Variants in NKAIN3 observed in about 807,000 individuals in gnomAD.
NKAIN3 encodes the protein sodium/potassium transporting ATPase interacting 3.
Under a neutral mutation model 30.2 loss-of-function variants are expected in NKAIN3, and 25 were observed. The ratio of observed to expected loss-of-function variants is 0.83; its 90% CI spans 0.60 to 1.16. The LOEUF (loss-of-function observed/expected upper bound fraction) is 1.16. Ranked by LOEUF, NKAIN3 falls within the 50% of genes most tolerant of loss-of-function variation. The pLI, the probability that NKAIN3 is intolerant of heterozygous loss-of-function variation, is 0.00. For synonymous variants in NKAIN3, 91 were observed against 89.6 expected (o/e 1.02, Z -0.09); for missense variants, 225 against 254.1 (o/e 0.89, Z 0.78).
rs535986579 is a variant in NKAIN3 at position 62,973,905 on chromosome 8, C to T, written c.*8498C>T. Among the ~76,000 whole-genome samples, 148 of 152,276 alleles carry T rather than the reference C, an allele frequency of 9.7e-4. No homozygotes were observed. The highest frequency in any genetic ancestry group is 1.7e-3 in the Admixed American group (26 of 15,294). Reference sequence around the variant, plus strand: ...TATGGCTAGCTAATTTTCCCAGCACCATTTATTAAATAGGAAATCCTTTCC... The same window carrying T: ...TATGGCTAGCTAATTTTCCCAGCACTATTTATTAAATAGGAAATCCTTTCC... On this transcript the variant is annotated 3_prime_UTR_variant, in exon 7 of 7. Transcript: ENST00000623646.
intron 3 of NKAIN3, among the ~76,000 whole-genome samples, chr8:62,686,577 G>GT (rs967147515): frequency 8.6e-5 from 13 of 152,014 alleles, no homozygotes; most frequent in South Asian, 8.3e-4. Context: ...CAAATCTAGG[G>GT]TTTTTTTTAA....
chr8:62,685,982 A>G (rs971551430), intron 3 of NKAIN3, among the ~76,000 whole-genome samples: 1 of 152,092 alleles, frequency 6.6e-6, no homozygotes, highest in Non-Finnish European at 1.5e-5. Flanking sequence ...AAATTAAATA[A>G]TGGTGATTAT....
intron 1 of NKAIN3, among the ~76,000 whole-genome samples, chr8:62,439,484 A>G (rs1805263381): frequency 6.6e-6 from 1 of 152,178 alleles, no homozygotes; most frequent in Admixed American, 6.5e-5. Flanking sequence ...TACCAACATC[A>G]TTTTGGCTAA....
chr8:62,425,681 TGA>T (rs1222556564), intron 1 of NKAIN3, among the ~76,000 whole-genome samples: 3 of 151,890 alleles, frequency 2.0e-5, no homozygotes, highest in Non-Finnish European at 2.9e-5. Flanking sequence ...GTATATATGC[TGA>T]GAGAGTAGTT....
At chr8:62,386,914 TGAGA>T (rs141443243) in intron 1 of NKAIN3, among the ~76,000 whole-genome samples, 63,311 of 147,852 alleles carry the variant, frequency 0.43, 15,366 homozygotes, top group Non-Finnish European at 0.55. Context: ...AATTGATATA[TGAGA>T]GAGAGAGAGA....
At chr8:62,996,416 G>A (rs1442737307) in intron 5 of NKAIN3, among the ~76,000 whole-genome samples, 1 of 152,058 alleles carries the variant, frequency 6.6e-6, no homozygotes, top group Non-Finnish European at 1.5e-5. Flanking sequence ...CTCGACACTT[G>A]GGGATTACAA....
At chr8:62,283,273 C>T (rs113260100) in intron 1 of NKAIN3, among the ~76,000 whole-genome samples, 1,026 of 100,986 alleles carry the variant, frequency 0.01, 7 homozygotes, top group Middle Eastern at 0.037. Context: ...TCTGCTCTTA[C>T]GTGGCTATTT....
intron 4 of NKAIN3, among the ~76,000 whole-genome samples, chr8:62,878,916 G>C (rs1820885582): frequency 6.6e-6 from 1 of 152,116 alleles, no homozygotes; most frequent in South Asian, 2.1e-4. Context: ...TATCATTGGT[G>C]GACATTTGGC....
At chr8:62,942,225 C>CACATATATATACAT (rs1554594810) in intron 5 of NKAIN3, among the ~76,000 whole-genome samples, 2 of 51,700 alleles carry the variant, frequency 3.9e-5, no homozygotes, top group African/African-American at 1.6e-4. Flanking sequence ...CATATATATA[C>CACATATATATACAT]ATATATATAC....
At chr8:62,944,880 T>A (rs1354572557) in intron 5 of NKAIN3, among the ~76,000 whole-genome samples, 1 of 152,236 alleles carries the variant, frequency 6.6e-6, no homozygotes, top group African/African-American at 2.4e-5. Flanking sequence ...ATTGCTAGAA[T>A]GATAGGCTAC....
At chr8:62,613,996 C>G (rs766825124) in intron 3 of NKAIN3, among the ~76,000 whole-genome samples, 6 of 152,140 alleles carry the variant, frequency 3.9e-5, no homozygotes, top group Non-Finnish European at 2.9e-5. Context: ...TCATACATCT[C>G]TATTTCTTCA....
At chr8:62,629,497 G>T (rs555846678) in intron 3 of NKAIN3, among the ~76,000 whole-genome samples, 10 of 152,190 alleles carry the variant, frequency 6.6e-5, no homozygotes, top group Middle Eastern at 3.4e-3. Context: ...ATCCATAGCA[G>T]CACATACTTC....
intron 3 of NKAIN3, among the ~76,000 whole-genome samples, chr8:62,690,128 C>T (rs1480195): frequency 0.25 from 37,804 of 151,952 alleles, 5,534 homozygotes; most frequent in African/African-American, 0.39. Context: ...AGTGGGACTG[C>T]GCACTAATCA....
chr8:62,839,266 C>G (rs1463861939), intron 4 of NKAIN3, among the ~76,000 whole-genome samples: 1 of 147,314 alleles, frequency 6.8e-6, no homozygotes, highest in Admixed American at 6.8e-5. Flanking sequence ...GCCTGACAGA[C>G]TATTCTATTT....
intron 3 of NKAIN3, among the ~76,000 whole-genome samples, chr8:62,703,112 A>G (rs552286002): frequency 1.3e-5 from 2 of 152,260 alleles, no homozygotes; most frequent in African/African-American, 4.8e-5. Context: ...GTTGGGAAAG[A>G]GAAATATTAT....
intron 3 of NKAIN3, among the ~76,000 whole-genome samples, chr8:62,712,466 A>T (rs1461578824): frequency 6.6e-6 from 1 of 152,036 alleles, no homozygotes. Context: ...TTGTGTACCT[A>T]GGAGGATTAT....
intron 1 of NKAIN3, among the ~76,000 whole-genome samples, chr8:62,393,888 A>G (rs1585756396): frequency 6.6e-6 from 1 of 152,034 alleles, no homozygotes; most frequent in African/African-American, 2.4e-5. Context: ...TTTTATTGTC[A>G]GGTTGTTTAT....
intron 4 of NKAIN3, among the ~76,000 whole-genome samples, chr8:62,892,524 CAT>C (rs1322999016): frequency 2.6e-5 from 4 of 152,108 alleles, no homozygotes; most frequent in African/African-American, 9.7e-5. Context: ...GCTGAAATCA[CAT>C]GTTTGAAAAT....
chr8:62,773,273 A>C (rs1817082022), intron 4 of NKAIN3, among the ~76,000 whole-genome samples: 1 of 152,084 alleles, frequency 6.6e-6, no homozygotes, highest in South Asian at 2.1e-4. Flanking sequence ...TTATCTGTGT[A>C]TGCGTTTCTG....
Sources: gnomAD v4.1 joint callset for allele counts (sites outside exome capture counted in the v4.1 genomes callset) on GRCh38, gnomAD v4.1.1 for gene constraint, MANE v1.5 for transcripts, NCBI Gene and HGNC (gene_info 2026-07-23, HGNC 2026-07-21) for gene names.